Variants in ELAVL2 observed in about 807,000 individuals in gnomAD.
ELAVL2 encodes the protein ELAV like RNA binding protein 2.
In ELAVL2, 4 loss-of-function variants were observed where a neutral mutation model predicts 34.6. That is an observed-to-expected ratio of 0.12 (90% CI 0.06 to 0.26). The LOEUF (loss-of-function observed/expected upper bound fraction) is 0.26. ELAVL2 is among the 10% of genes least tolerant of loss of function. The pLI, the probability that ELAVL2 is intolerant of heterozygous loss-of-function variation, is 1.00. For synonymous variants in ELAVL2, 193 were observed against 154.8 expected, an observed-to-expected ratio of 1.25 and a Z score of -1.83; for missense variants, 432 against 442.8, an observed-to-expected ratio of 0.98 and a Z score of 0.22.
chr9:23,745,903 C>T (rs2135388022), intron 2 of ELAVL2, among the ~76,000 whole-genome samples: 1 of 152,260 alleles, frequency 6.6e-6, no homozygotes, highest in African/African-American at 2.4e-5. Context: ...AAAAGACCTG[C>T]TGTGTGAATG....
chr9:23,827,985 A>C (rs1250775235), upstream of ELAVL2, among the ~76,000 whole-genome samples: 1 of 152,148 alleles, frequency 6.6e-6, no homozygotes, highest in Admixed American at 6.5e-5. Context: ...TTTGTATAAC[A>C]ACCTCTGGAG....
intron 1 of ELAVL2, among the ~76,000 whole-genome samples, chr9:23,799,082 A>G (rs928371099): frequency 6.6e-6 from 1 of 152,198 alleles, no homozygotes; most frequent in African/African-American, 2.4e-5. Context: ...CTAAAGTGCT[A>G]ATTATTACAC....
intron 1 of ELAVL2, chr9:23,821,392 C>T (rs971945759): frequency 2.0e-5 from 3 of 152,106 alleles, no homozygotes; most frequent in Admixed American, 2.0e-4. Context: ...CCAATTCTCT[C>T]TACTCCCGCC....
chr9:23,708,248 A>C (rs1279390536), intron 3 of ELAVL2, among the ~76,000 whole-genome samples: 1 of 152,222 alleles, frequency 6.6e-6, no homozygotes, highest in African/African-American at 2.4e-5. Flanking sequence ...TTAATGTTAA[A>C]CTTACATTTA....
At chr9:23,710,894 T>G (rs916652406) in intron 3 of ELAVL2, among the ~76,000 whole-genome samples, 1 of 151,944 alleles carries the variant, frequency 6.6e-6, no homozygotes, top group Non-Finnish European at 1.5e-5. Context: ...AGCTCAGAAG[T>G]ATAGTACACA....
At chr9:23,754,952 A>G (rs1471923456) in intron 2 of ELAVL2, among the ~76,000 whole-genome samples, 1 of 152,154 alleles carries the variant, frequency 6.6e-6, no homozygotes, top group African/African-American at 2.4e-5. Context: ...GTTTATGCAT[A>G]CAGTTCTGTA....
intron 1 of ELAVL2, among the ~76,000 whole-genome samples, chr9:23,782,864 C>T (rs1390980826): frequency 6.6e-6 from 1 of 152,110 alleles, no homozygotes; most frequent in East Asian, 1.9e-4. Flanking sequence ...AGGATGGAGA[C>T]CCCGGGGCAC....
intron 3 of ELAVL2, among the ~76,000 whole-genome samples, chr9:23,716,113 A>T (rs1390755939): frequency 6.8e-6 from 1 of 147,308 alleles, no homozygotes; most frequent in African/African-American, 2.5e-5. Context: ...GGAAGTGAAC[A>T]ATGAGAACAC....
the ELAVL2 span, among the ~76,000 whole-genome samples, chr9:23,839,059 T>C: frequency 3.3e-5 from 5 of 152,170 alleles, no homozygotes; most frequent in Non-Finnish European, 7.4e-5. Context: ...TTAGAAATAG[T>C]CTAATACCAT....
At chr9:23,815,337 C>A (rs2063554277) in intron 1 of ELAVL2, among the ~76,000 whole-genome samples, 1 of 152,062 alleles carries the variant, frequency 6.6e-6, no homozygotes, top group South Asian at 2.1e-4. Flanking sequence ...CTTTCCAAGT[C>A]CCATCATCAT....
intron 1 of ELAVL2, chr9:23,779,204 G>A (rs2058694579): frequency 2.0e-6 from 2 of 985,256 alleles, no homozygotes; most frequent in Non-Finnish European, 1.2e-6. Flanking sequence ...AGGTAAGTGG[G>A]GAAGGAACTG....
chr9:23,722,731 C>A (rs929691230), intron 3 of ELAVL2, among the ~76,000 whole-genome samples: 3 of 152,198 alleles, frequency 2.0e-5, no homozygotes, highest in Non-Finnish European at 4.4e-5. Context: ...TTGAACAAAT[C>A]CCTTTTAACC....
chr9:23,836,035 G>C, the ELAVL2 span, among the ~76,000 whole-genome samples: 2 of 152,164 alleles, frequency 1.3e-5, no homozygotes, highest in South Asian at 2.1e-4. Flanking sequence ...AGAACAGCCA[G>C]TGCTGCTGTT....
intron 2 of ELAVL2, among the ~76,000 whole-genome samples, chr9:23,760,768 G>A (rs150814151): frequency 4.6e-5 from 7 of 152,104 alleles, no homozygotes; most frequent in Admixed American, 3.3e-4. Context: ...ATGACAATCA[G>A]TTTGTACTTA....
chr9:23,793,951 C>T (rs774080865), intron 1 of ELAVL2, among the ~76,000 whole-genome samples: 1 of 152,202 alleles, frequency 6.6e-6, no homozygotes, highest in Non-Finnish European at 1.5e-5. Context: ...GGTAACTTAG[C>T]ATGCACTATA....
the ELAVL2 span, among the ~76,000 whole-genome samples, chr9:23,834,318 G>T: frequency 6.6e-6 from 1 of 151,894 alleles, no homozygotes; most frequent in South Asian, 2.1e-4. Flanking sequence ...TCATAGAAGG[G>T]ATATTATCCT....
At chr9:23,783,141 A>AAAGGTATACCTGTGG (rs2059280760) in intron 1 of ELAVL2, among the ~76,000 whole-genome samples, 1 of 152,224 alleles carries the variant, frequency 6.6e-6, no homozygotes, top group Non-Finnish European at 1.5e-5. Context: ...AATACCTGTG[A>AAAGGTATACCTGTGG]AAGGTAGCCA....
intron 2 of ELAVL2, among the ~76,000 whole-genome samples, chr9:23,757,915 A>C (rs1198975734): frequency 6.6e-6 from 1 of 152,140 alleles, no homozygotes; most frequent in Admixed American, 6.6e-5. Context: ...AGGACTTAAG[A>C]AGCACACACT....
At chr9:23,741,081 TCAGGCTTAAC>T (rs2049045909) in intron 2 of ELAVL2, among the ~76,000 whole-genome samples, 1 of 152,288 alleles carries the variant, frequency 6.6e-6, no homozygotes, top group South Asian at 2.1e-4. Flanking sequence ...CGCAGGGGTT[TCAGGCTTAAC>T]CAGGACCAGC....
Sources: allele counts gnomAD v4.1 joint callset (sites outside exome capture counted in the v4.1 genomes callset), GRCh38; gene constraint gnomAD v4.1.1; transcripts MANE v1.5; gene names NCBI Gene and HGNC (gene_info 2026-07-23, HGNC 2026-07-21).